Variants in RTKN2 observed in about 807,000 individuals in gnomAD.
The protein encoded by RTKN2 is rhotekin-2.
Under a neutral mutation model 71.5 loss-of-function variants are expected in RTKN2, and 69 were observed. The observed-to-expected ratio is 0.96, with a 90% confidence interval of 0.79 to 1.18. The LOEUF (loss-of-function observed/expected upper bound fraction) is 1.18. Among genes scored for constraint, RTKN2 ranks in the 50% most tolerant of loss-of-function variants. The pLI is 0.00. For synonymous variants in RTKN2, 236 were observed against 236.5 expected, an observed-to-expected ratio of 1.00 and a Z score of 0.02; for missense variants, 724 against 719.7, an observed-to-expected ratio of 1.01 and a Z score of -0.07.
At chr10:62,219,179 A>G (rs184743269) in intron 7 of RTKN2, among the ~76,000 whole-genome samples, 91 of 152,214 alleles carry the variant, frequency 6.0e-4, no homozygotes, top group African/African-American at 1.9e-3. Flanking sequence ...TGGATGATGG[A>G]GACAGGCAGA....
At position 62,236,080 on chromosome 10, in the gene RTKN2, G is replaced by A. The variant is rs139992024; in HGVS notation, c.672C>T (p.Leu224=). ...TAAAAACTTACAAAACAGCAGAGCT[G>A]AGGAGCAAGCACATTTCATCATCCT... ...QEEDDEMCLL[L]SSAVFGVKYN... The change falls in exon 6 of 12, where the codon CTC becomes CTT. Residue 224 remains leucine (L), a synonymous_variant. Transcript: ENST00000373789. 2,815 of 1,611,044 alleles carry A rather than the reference G, an allele frequency of 1.7e-3. 18 individuals carry two copies. Among genetic ancestry groups the A allele is most frequent in the South Asian group, 0.011 (982 of 90,976 alleles).
At chr10:62,249,376 C>T (rs1463915874) in intron 2 of RTKN2, among the ~76,000 whole-genome samples, 4 of 34,312 alleles carry the variant, frequency 1.2e-4, no homozygotes, top group East Asian at 7.9e-4. Context: ...GCAGGGGTTG[C>T]GGGGTTGGGG....
chr10:62,197,892 T>C lies in RTKN2; in HGVS notation c.*16A>G. On this transcript the variant is annotated 3_prime_UTR_variant, in exon 12 of 12. Coordinates refer to ENST00000373789, the MANE Select transcript of RTKN2 (RefSeq NM_145307.4). ...CAGTTATAGATTTTGTTAAATGTTT[T>C]ATCATTAAGAGTTTTCTATACTTGT... The C allele has an allele frequency of 6.3e-7, 1 of 1,583,628 alleles. No homozygotes were observed. The highest frequency in any genetic ancestry group is 1.2e-5 in the South Asian group (1 of 85,626).
chr10:62,200,382 A>AAAAG (rs1841418678), intron 10 of RTKN2, among the ~76,000 whole-genome samples: 1 of 150,814 alleles, frequency 6.6e-6, no homozygotes, highest in African/African-American at 2.4e-5. Context: ...AAAAAAAAAA[A>AAAAG]AAAAGAAAAA....
At chr10:62,243,645 T>C (rs1481840078) in intron 3 of RTKN2, among the ~76,000 whole-genome samples, 1 of 152,136 alleles carries the variant, frequency 6.6e-6, no homozygotes, top group Non-Finnish European at 1.5e-5. Flanking sequence ...CTTGTGCTCT[T>C]CAGATAGCAA....
chr10:62,197,806 A>G lies in RTKN2; in HGVS notation c.*102T>C, dbSNP rs1294720244. The G allele has an allele frequency of 1.4e-5, 20 of 1,436,934 alleles. No individual in the cohort carries two copies. The highest frequency in any genetic ancestry group is 1.8e-5 in the Non-Finnish European group (20 of 1,091,566). 89.0% of individuals were successfully genotyped at this position (1,436,934 alleles called of 1,614,324 possible). Reference sequence around the variant, plus strand: ...TAATAGCTTATTAATTATTGGTATAAATCACTATATTTACCTATATAATTA... The same window carrying G: ...TAATAGCTTATTAATTATTGGTATAGATCACTATATTTACCTATATAATTA... On this transcript the variant is annotated 3_prime_UTR_variant, in exon 12 of 12. Coordinates refer to ENST00000373789, the MANE Select transcript of RTKN2 (RefSeq NM_145307.4).
intron 6 of RTKN2, among the ~76,000 whole-genome samples, chr10:62,225,002 A>G (rs949879145): frequency 6.6e-6 from 1 of 152,110 alleles, no homozygotes; most frequent in Non-Finnish European, 1.5e-5. Context: ...TCTGATTTAT[A>G]TTAATTTCCC....
chr10:62,214,856 C>T (rs755798079), intron 9 of RTKN2, among the ~76,000 whole-genome samples: 3 of 151,986 alleles, frequency 2.0e-5, no homozygotes, highest in African/African-American at 4.8e-5. Context: ...GAGGAAATAG[C>T]AAAAACAGTC....
chr10:62,256,195 T>C (rs983140328), intron 2 of RTKN2, among the ~76,000 whole-genome samples: 4 of 152,076 alleles, frequency 2.6e-5, no homozygotes, highest in Non-Finnish European at 4.4e-5. Flanking sequence ...AATCTTTCTG[T>C]ATTTTTTTGT....
At chr10:62,187,830 G>T (rs1180913273) in intron 8 of RTKN2, among the ~76,000 whole-genome samples, 1 of 152,056 alleles carries the variant, frequency 6.6e-6, no homozygotes, top group African/African-American at 2.4e-5. Context: ...AGCTATCCCT[G>T]CCCCAACTAC....
chr10:62,201,395 A>G (rs775903992), intron 10 of RTKN2, among the ~76,000 whole-genome samples: 91 of 152,288 alleles, frequency 6.0e-4, no homozygotes, highest in Middle Eastern at 3.4e-3. Context: ...ATATGATAAA[A>G]ATTTCAAAAT....
rs773766001 is a variant in RTKN2 at position 62,217,197 on chromosome 10, C to T, written c.941G>A (p.Gly314Glu). ...SWRRLYCVLR[G>E]GKLYCFYSPE... is the part of the protein sequence containing the mutation. The stretch of plus-strand genomic sequence containing the variant: ...ACTGTAAAAACAATAGAGTTTACCT[C>T]CTCGCAAAACACAATACAACCTTCT... The change falls in exon 9 of 12, where the codon GGA (glycine) becomes GAA (glutamate). Residue 314 changes from glycine to glutamate, a missense_variant. Physicochemically the swap from Gly to Glu is moderately conservative, Grantham distance 98. Coordinates refer to ENST00000373789, the MANE Select transcript of RTKN2 (RefSeq NM_145307.4). 3 of 1,603,436 alleles carry T rather than the reference C, an allele frequency of 1.9e-6. No individual in the cohort carries two copies. The East Asian group carries it at 6.7e-5, about 36-fold the overall frequency.
downstream of RTKN2, among the ~76,000 whole-genome samples, chr10:62,189,568 G>A (rs188630815): frequency 2.0e-5 from 3 of 152,306 alleles, no homozygotes; most frequent in Admixed American, 6.5e-5. Context: ...GCAAACGTCT[G>A]TAATCCCAGC....
chr10:62,218,545 C>T (rs1841830197), intron 7 of RTKN2, among the ~76,000 whole-genome samples: 2 of 151,990 alleles, frequency 1.3e-5, no homozygotes, highest in South Asian at 4.2e-4. Flanking sequence ...CATGCTATCA[C>T]CTGAATAAAA....
intron 11 of RTKN2, among the ~76,000 whole-genome samples, chr10:62,199,341 GA>G (rs1841393678): frequency 6.6e-6 from 1 of 152,134 alleles, no homozygotes; most frequent in Admixed American, 6.5e-5. Flanking sequence ...GGCTAGAGAT[GA>G]AAGCTTCCAT....
At chr10:62,218,334 G>C in intron 7 of RTKN2, 33 bp from the exon 8 acceptor site, 2 of 1,346,100 alleles carry the variant, frequency 1.5e-6, no homozygotes, top group Non-Finnish European at 2.1e-6. Flanking sequence ...AAAAAATCAA[G>C]TTATAAATAT....
intron 7 of RTKN2, 40 bp from the exon 8 acceptor site, chr10:62,218,341 A>T: frequency 7.6e-7 from 1 of 1,307,242 alleles, no homozygotes; most frequent in Non-Finnish European, 1.1e-6. Context: ...CAAGTTATAA[A>T]TATAAGTTTA....
In RTKN2 at chr10:62,249,589, C is replaced by T. The variant is rs903379860; in HGVS notation, c.258-3532G>A. On this transcript the variant is annotated intron_variant, in intron 2 of 11. Coordinates refer to ENST00000373789, the MANE Select transcript of RTKN2 (RefSeq NM_145307.4). ...TGTTAAATGAAATGAAGTAAGGATA[C>T]GTTCATTTTGATGGAACAGGCAGTA... is the stretch of plus-strand genomic sequence containing the variant. Among the ~76,000 whole-genome samples, 12 of 152,134 alleles carry T rather than the reference C, an allele frequency of 7.9e-5. No individual in the cohort carries two copies. The South Asian group carries it at 1.9e-3, about 24-fold the overall frequency.
intron 9 of RTKN2, among the ~76,000 whole-genome samples, chr10:62,205,857 T>C (rs139821013): frequency 1.5e-3 from 226 of 152,140 alleles, no homozygotes; most frequent in Admixed American, 3.6e-3. Context: ...CCAAGGAATA[T>C]TGGGGGATAA....
Sources: allele counts gnomAD v4.1 joint callset (sites outside exome capture counted in the v4.1 genomes callset), GRCh38; gene constraint gnomAD v4.1.1; transcripts MANE v1.5; gene names NCBI Gene and HGNC (gene_info 2026-07-23, HGNC 2026-07-21).